Variants in ADAMTS17 observed in about 807,000 individuals in gnomAD.
ADAMTS17 encodes A disintegrin and metalloproteinase with thrombospondin motifs 17.
Under a neutral mutation model 141.5 loss-of-function variants are expected in ADAMTS17, and 113 were observed. That is an observed-to-expected ratio of 0.80 (90% CI 0.69 to 0.93). The LOEUF (loss-of-function observed/expected upper bound fraction) is 0.93, where lower values mean the gene tolerates loss of function less well. Ranked by LOEUF, ADAMTS17 falls within the 40% of genes least tolerant of loss-of-function variation. The pLI is 0.00. For synonymous variants in ADAMTS17, 768 were observed against 630.6 expected, an observed-to-expected ratio of 1.22 and a Z score of -3.27; for missense variants, 1,659 against 1,517.9, an observed-to-expected ratio of 1.09 and a Z score of -1.54.
At chr15:100,111,129 C>T (rs996912913) in intron 13 of ADAMTS17, among the ~76,000 whole-genome samples, 2 of 152,136 alleles carry the variant, frequency 1.3e-5, no homozygotes, top group African/African-American at 2.4e-5. Flanking sequence ...GATGCCTCAC[C>T]ATGCATCCAT....
At chr15:100,192,903 C>A (rs2040971766) in intron 8 of ADAMTS17, among the ~76,000 whole-genome samples, 1 of 152,152 alleles carries the variant, frequency 6.6e-6, no homozygotes, top group Admixed American at 6.5e-5. Context: ...CATGTGTCCA[C>A]CCACTGCCCA....
chr15:100,276,000 T>C (rs1257192437), intron 4 of ADAMTS17, among the ~76,000 whole-genome samples: 2 of 15,566 alleles, frequency 1.3e-4, no homozygotes. Context: ...GAGACCTAAG[T>C]GGGAGGGTGG....
intron 8 of ADAMTS17, among the ~76,000 whole-genome samples, chr15:100,162,723 A>G (rs555726409): frequency 1.5e-5 from 2 of 134,068 alleles, no homozygotes; most frequent in Non-Finnish European, 1.6e-5. Context: ...TACACATTAT[A>G]TGTGTATATA....
chr15:99,978,559 A>C (rs1196699247), intron 20 of ADAMTS17: 2 of 152,168 alleles, frequency 1.3e-5, no homozygotes, highest in Non-Finnish European at 2.9e-5. Context: ...TGCATTACAC[A>C]TGCAGATTTC....
chr15:100,198,501 T>C (rs975986952), intron 8 of ADAMTS17, among the ~76,000 whole-genome samples: 5 of 152,274 alleles, frequency 3.3e-5, no homozygotes, highest in South Asian at 2.1e-4. Flanking sequence ...ACTTATGTTC[T>C]ATTCAATCCA....
At chr15:100,053,507 T>G (rs1443804244) in intron 16 of ADAMTS17, among the ~76,000 whole-genome samples, 2 of 152,198 alleles carry the variant, frequency 1.3e-5, no homozygotes, top group East Asian at 3.8e-4. Context: ...ATATACACTC[T>G]GTGCAGGCAG....
intron 8 of ADAMTS17, among the ~76,000 whole-genome samples, chr15:100,188,692 G>T (rs1042697362): frequency 6.6e-6 from 1 of 152,176 alleles, no homozygotes; most frequent in Non-Finnish European, 1.5e-5. Flanking sequence ...AGGATCAGTG[G>T]TGGCTGTACC....
At chr15:100,197,556 C>A (rs1280874637) in intron 8 of ADAMTS17, among the ~76,000 whole-genome samples, 1 of 152,132 alleles carries the variant, frequency 6.6e-6, no homozygotes, top group East Asian at 1.9e-4. Context: ...ATTTAAAAAA[C>A]AGTTCTGTGC....
At chr15:100,122,429 T>C (rs2037497313) in intron 12 of ADAMTS17, among the ~76,000 whole-genome samples, 1 of 152,172 alleles carries the variant, frequency 6.6e-6, no homozygotes. Flanking sequence ...GGACCCCACA[T>C]GTGGTCCTTC....
intron 14 of ADAMTS17, among the ~76,000 whole-genome samples, chr15:100,101,963 C>T (rs2036127863): frequency 1.3e-5 from 2 of 152,290 alleles, no homozygotes; most frequent in South Asian, 4.1e-4. Context: ...GGGTGAGTGC[C>T]ACCAGGGCCT....
chr15:100,046,337 G>C (rs946759548), intron 18 of ADAMTS17, among the ~76,000 whole-genome samples: 3 of 152,202 alleles, frequency 2.0e-5, no homozygotes, highest in African/African-American at 7.2e-5. Flanking sequence ...AGAGAAGCCA[G>C]GGCGTACTGT....
chr15:99,978,276 C>A (rs1379009442), intron 20 of ADAMTS17, among the ~76,000 whole-genome samples: 1 of 152,182 alleles, frequency 6.6e-6, no homozygotes, highest in Non-Finnish European at 1.5e-5. Flanking sequence ...AGCTTCCTTG[C>A]CTGACAAGCA....
chr15:100,169,266 T>G (rs1396337476), intron 8 of ADAMTS17, among the ~76,000 whole-genome samples: 1 of 152,160 alleles, frequency 6.6e-6, no homozygotes, highest in African/African-American at 2.4e-5. Context: ...AGCACTTGTG[T>G]GTGCACATGG....
intron 12 of ADAMTS17, among the ~76,000 whole-genome samples, chr15:100,122,306 G>T (rs141807962): frequency 1.4e-3 from 214 of 152,236 alleles, no homozygotes; most frequent in African/African-American, 4.7e-3. Flanking sequence ...ATGACCACAG[G>T]AACTGATTTT....
chr15:100,050,837 G>A (rs530284632), intron 17 of ADAMTS17, among the ~76,000 whole-genome samples: 2 of 152,278 alleles, frequency 1.3e-5, no homozygotes, highest in Admixed American at 1.3e-4. Context: ...CCTTCTATGT[G>A]CCCTGCTAGG....
chr15:100,136,579 C>T (rs889031030), intron 10 of ADAMTS17, among the ~76,000 whole-genome samples: 1 of 152,194 alleles, frequency 6.6e-6, no homozygotes, highest in Non-Finnish European at 1.5e-5. Context: ...CATGGCAGCC[C>T]TGGGAGGCAG....
In ADAMTS17 at chr15:100,282,813, A is replaced by T. The variant is rs535060980; in HGVS notation, c.617-1412T>A. 6.6e-5 allele frequency among the ~76,000 whole-genome samples: 10 copies of T among 152,360 alleles called. 1 individual carries two copies. Among genetic ancestry groups the T allele is most frequent in the African/African-American group, 2.2e-4 (9 of 41,582 alleles). ...AGCCAACAACAGTAAAAAGGTATAC[A>T]GCCATTAAAATCATACCACGAAGAT... On this transcript the variant is annotated intron_variant, in intron 3 of 21. Coordinates refer to ENST00000268070, the MANE Select transcript of ADAMTS17 (RefSeq NM_139057.4).
At chr15:99,975,116 C>T (rs2060294222) in intron 21 of ADAMTS17, among the ~76,000 whole-genome samples, 1 of 152,190 alleles carries the variant, frequency 6.6e-6, no homozygotes, top group Non-Finnish European at 1.5e-5. Flanking sequence ...ACTAGAAATC[C>T]CCTTCATTTT....
At chr15:99,979,628 A>C (rs9920547) in intron 20 of ADAMTS17, 1 of 152,080 alleles carries the variant, frequency 6.6e-6, no homozygotes, top group Non-Finnish European at 1.5e-5. Flanking sequence ...AGTCAGATAC[A>C]ACCACGTGCC....
Sources: gnomAD v4.1 joint callset for allele counts (sites outside exome capture counted in the v4.1 genomes callset) on GRCh38, gnomAD v4.1.1 for gene constraint, MANE v1.5 for transcripts, NCBI Gene and HGNC (gene_info 2026-07-23, HGNC 2026-07-21) for gene names.